Variants in ELFN2 observed in about 807,000 individuals in gnomAD.
The protein encoded by ELFN2 is protein phosphatase 1 regulatory subunit 29.
In ELFN2, 17 loss-of-function variants were observed where a neutral mutation model predicts 45.5. The observed-to-expected ratio is 0.37, with a 90% confidence interval of 0.26 to 0.56. The LOEUF (loss-of-function observed/expected upper bound fraction) is 0.56. Among genes scored for constraint, ELFN2 ranks in the 20% least tolerant of loss-of-function variants. The pLI is 0.77. For synonymous variants in ELFN2, 550 were observed against 551.5 expected (o/e 1.00, Z 0.04); for missense variants, 922 against 1,183.2 (o/e 0.78, Z 3.24).
chr22:37,375,591 G>A lies in ELFN2; in HGVS notation c.-57C>T, dbSNP rs1004793657. On this transcript the variant is annotated 5_prime_UTR_variant, in exon 3 of 3. Transcript: ENST00000402918. Reference sequence around the variant, plus strand: ...AGGCAGGGGGTGCCTAGCGGCCAGAGGCTGGGGCTGGCAGTACAGTCCTCC... The same window carrying A: ...AGGCAGGGGGTGCCTAGCGGCCAGAAGCTGGGGCTGGCAGTACAGTCCTCC... The A allele has an allele frequency of 1.4e-6, 2 of 1,477,832 alleles. No homozygotes were observed. The highest frequency in any genetic ancestry group is 2.8e-5 in the African/African-American group (2 of 70,888). 91.5% of individuals were successfully genotyped at this position (1,477,832 alleles called of 1,614,324 possible). A position where few individuals can be genotyped will look rare whatever the true frequency, so the allele number is the denominator to read the frequency against.
intron 1 of ELFN2, among the ~76,000 whole-genome samples, chr22:37,424,445 G>T (rs144045091): frequency 1.4e-4 from 22 of 152,296 alleles, no homozygotes; most frequent in South Asian, 4.1e-4. Context: ...CTTGCTGAGT[G>T]TGCCCGTTCC....
chr22:37,389,528 C>A (rs757691323), intron 2 of ELFN2, among the ~76,000 whole-genome samples: 3 of 152,050 alleles, frequency 2.0e-5, no homozygotes, highest in Non-Finnish European at 4.4e-5. Flanking sequence ...TGCAGGGTGA[C>A]CCCCCTGCTA....
chr22:37,390,762 TG>T (rs947457204), intron 2 of ELFN2, among the ~76,000 whole-genome samples: 9 of 152,284 alleles, frequency 5.9e-5, no homozygotes, highest in Non-Finnish European at 1.3e-4. Context: ...CTCTCCCTTC[TG>T]GGCCTCGGTT....
intron 2 of ELFN2, among the ~76,000 whole-genome samples, chr22:37,409,941 G>A (rs1266071713): frequency 6.6e-6 from 1 of 152,192 alleles, no homozygotes; most frequent in Non-Finnish European, 1.5e-5. Context: ...GGAACAGGCA[G>A]TGGCCCATTC....
At chr22:37,403,404 G>GGCAA (rs1569140696) in intron 2 of ELFN2, among the ~76,000 whole-genome samples, 2 of 105,718 alleles carry the variant, frequency 1.9e-5, no homozygotes, top group East Asian at 2.5e-4. Flanking sequence ...GGCCATGCAA[G>GGCAA]GCGAGCGAGG....
At chr22:37,390,132 G>T (rs891248992) in intron 2 of ELFN2, among the ~76,000 whole-genome samples, 1 of 152,232 alleles carries the variant, frequency 6.6e-6, no homozygotes, top group Non-Finnish European at 1.5e-5. Flanking sequence ...TCTGTCAAAT[G>T]GAGATGACAC....
intron 1 of ELFN2, chr22:37,354,443 G>A (rs1359965684): frequency 1.3e-5 from 2 of 152,096 alleles, no homozygotes; most frequent in African/African-American, 4.8e-5. Flanking sequence ...AGAGTAAAAG[G>A]AATGACCACT....
chr22:37,383,652 A>G (rs183659542), intron 2 of ELFN2, among the ~76,000 whole-genome samples: 304 of 152,366 alleles, frequency 2.0e-3, no homozygotes, highest in Non-Finnish European at 3.5e-3. Flanking sequence ...CTGCCCAAGC[A>G]GCCGCACACC....
In ELFN2 at chr22:37,372,761, G is replaced by A. The variant is rs561334919; in HGVS notation, c.*311C>T. 1.8e-3 allele frequency: 154 copies of A among 86,350 alleles called. No individual in the cohort carries two copies. The highest frequency in any genetic ancestry group is 3.4e-3 in the Admixed American group (28 of 8,178). The allele number at this position is 86,350 out of a possible 1,614,324, so 5.3% of individuals were successfully genotyped here. A position where few individuals can be genotyped will look rare whatever the true frequency, so the allele number is the denominator to read the frequency against. ...CTCTCTTGGCTTCCTTCCTCCCCCC[G>A]CCAGCCCCCCGGCCCTGCACACCCC... On this transcript the variant is annotated 3_prime_UTR_variant, in exon 3 of 3. Coordinates refer to ENST00000402918, the MANE Select transcript of ELFN2 (RefSeq NM_052906.5). The surrounding 1 kb of genome is among the most constrained non-coding windows in gnomAD (Gnocchi z 4.4).
chr22:37,391,425 T>C (rs1245325574), intron 2 of ELFN2, among the ~76,000 whole-genome samples: 1 of 152,050 alleles, frequency 6.6e-6, no homozygotes, highest in Admixed American at 6.5e-5. Flanking sequence ...CACAGGGCCA[T>C]GACACAGGCC....
At chr22:37,343,594 C>T (rs570106850) in intron 1 of ELFN2, among the ~76,000 whole-genome samples, 63 of 152,202 alleles carry the variant, frequency 4.1e-4, no homozygotes, top group African/African-American at 1.4e-3. Context: ...GCTCCCTCCT[C>T]AGTGCTCCCG....
chr22:37,422,894 C>G (rs1257995939), intron 1 of ELFN2, among the ~76,000 whole-genome samples: 1 of 136,764 alleles, frequency 7.3e-6, no homozygotes, highest in East Asian at 2.1e-4. Context: ...CACGCCCAAC[C>G]AAGAATTCGG....
intron 2 of ELFN2, among the ~76,000 whole-genome samples, chr22:37,406,320 C>T (rs936286339): frequency 2.0e-5 from 3 of 152,168 alleles, no homozygotes; most frequent in African/African-American, 4.8e-5. Flanking sequence ...GACCTGGACA[C>T]GGGGACGAAT....
At chr22:37,382,955 G>A (rs1931830594) in intron 2 of ELFN2, among the ~76,000 whole-genome samples, 1 of 152,098 alleles carries the variant, frequency 6.6e-6, no homozygotes, top group South Asian at 2.1e-4. Context: ...TTGCTCTCTG[G>A]AGCCACTAGG....
intron 2 of ELFN2, among the ~76,000 whole-genome samples, chr22:37,393,392 A>G (rs1161369133): frequency 6.6e-6 from 1 of 152,228 alleles, no homozygotes; most frequent in African/African-American, 2.4e-5. Flanking sequence ...AGGTCCTGGC[A>G]CTGGCCCATC....
chr22:37,389,893 C>T (rs778395852), intron 2 of ELFN2, among the ~76,000 whole-genome samples: 1 of 152,176 alleles, frequency 6.6e-6, no homozygotes, highest in African/African-American at 2.4e-5. Context: ...GGCGGCCAGT[C>T]GTCTCTGCTC....
At chr22:37,394,495 G>A (rs1026403916) in intron 2 of ELFN2, among the ~76,000 whole-genome samples, 17 of 152,060 alleles carry the variant, frequency 1.1e-4, no homozygotes, top group African/African-American at 2.4e-4. Flanking sequence ...CCCTCCTCCC[G>A]GGCAGCCTCA....
At chr22:37,376,834 G>C (rs1339424818) in intron 2 of ELFN2, among the ~76,000 whole-genome samples, 2 of 152,230 alleles carry the variant, frequency 1.3e-5, no homozygotes, top group Non-Finnish European at 2.9e-5. Context: ...GAGGGGGCCA[G>C]CCTTCTGGAG....
intron 2 of ELFN2, among the ~76,000 whole-genome samples, chr22:37,397,982 C>T (rs1419225742): frequency 6.6e-6 from 1 of 152,194 alleles, no homozygotes; most frequent in Non-Finnish European, 1.5e-5. Context: ...GGGTGCGAGG[C>T]TGCCCTGCAG....
Sources: allele counts gnomAD v4.1 joint callset (sites outside exome capture counted in the v4.1 genomes callset), GRCh38; gene constraint gnomAD v4.1.1; non-coding constraint Gnocchi (gnomAD v3.1); transcripts MANE v1.5; gene names NCBI Gene and HGNC (gene_info 2026-07-23, HGNC 2026-07-21).